The following EXOSC7 variants were observed in gnomAD, a reference collection of about 807,000 sequenced individuals.
The protein encoded by EXOSC7 is exosome component 7, also known as exosome complex component RRP42.
Under a neutral mutation model 34.3 loss-of-function variants are expected in EXOSC7, and 25 were observed. That is an observed-to-expected ratio of 0.73 (90% CI 0.53 to 1.02). The LOEUF is 1.02. Ranked by LOEUF, EXOSC7 falls within the 50% of genes least tolerant of loss-of-function variation. EXOSC7 has a pLI of 0.00. For synonymous variants in EXOSC7, 130 were observed against 143.0 expected (o/e 0.91, Z 0.65); for missense variants, 370 against 368.5 (o/e 1.00, Z -0.03).
intron 1 of EXOSC7, among the ~76,000 whole-genome samples, chr3:44,982,811 G>C (rs912147524): frequency 1.3e-5 from 2 of 152,224 alleles, no homozygotes; most frequent in Admixed American, 1.3e-4. Context: ...GCAGGATGCA[G>C]AGTTATGGAG....
At position 45,005,317 on chromosome 3, in the gene EXOSC7, A is replaced by T. The variant is rs780221494; in HGVS notation, c.518A>T (p.Asp173Val). 2 of 1,614,120 alleles carry T rather than the reference A, an allele frequency of 1.2e-6. No individual in the cohort carries two copies. The highest frequency in any genetic ancestry group is 3.3e-5 in the Admixed American group (2 of 60,020). ...TRIPRVRVLE[D>V]EEGSKDIELS... ...ATACCAAGGGTTCGAGTTTTGGAGGATGAAGAGGGGTCGAAGGACATTGAA... is the reference window on the plus strand; with the variant it reads ...ATACCAAGGGTTCGAGTTTTGGAGGTTGAAGAGGGGTCGAAGGACATTGAA... The change falls in exon 6 of 8, where the codon GAT (aspartate) becomes GTT (valine). Residue 173 changes from aspartate to valine, a missense_variant. Coordinates refer to ENST00000265564, the MANE Select transcript of EXOSC7 (RefSeq NM_015004.4).
intron 4 of EXOSC7, among the ~76,000 whole-genome samples, chr3:44,998,712 C>G (rs1706794957): frequency 6.6e-6 from 1 of 152,188 alleles, no homozygotes; most frequent in Admixed American, 6.5e-5. Context: ...GTTACTGTTG[C>G]AATGCTACCA....
At chr3:44,981,359 A>C (rs992785704) in intron 1 of EXOSC7, among the ~76,000 whole-genome samples, 5 of 152,224 alleles carry the variant, frequency 3.3e-5, no homozygotes, top group African/African-American at 1.2e-4. Context: ...TCCCTTGTGT[A>C]AAATGGGGAC....
downstream of EXOSC7, chr3:45,011,594 C>T (rs1046756702): frequency 6.8e-5 from 21 of 306,946 alleles, no homozygotes; most frequent in Non-Finnish European, 1.2e-4. Context: ...GGGAGACCCC[C>T]ACAAGCTGGA....
At chr3:44,977,525 G>C (rs970912594) in intron 1 of EXOSC7, 1 of 152,214 alleles carries the variant, frequency 6.6e-6, no homozygotes, top group African/African-American at 2.4e-5. Context: ...GGATAATAAA[G>C]TCAGAACTCA....
In EXOSC7 at chr3:44,989,233, G is replaced by T; in HGVS notation, c.151G>T (p.Val51Phe). ...VVSNTSGSAR[V>F]KLGHTDILVG... ...GTCCAACACTAGTGGGTCCGCCAGG[G>T]TCAAGCTGGTGAGTACTGTGACCAT... Residue 51 changes from valine to phenylalanine, a missense_variant, in exon 2 of 8, where the codon GTC becomes TTC. Coordinates refer to ENST00000265564, the MANE Select transcript of EXOSC7 (RefSeq NM_015004.4). 1 of 1,612,766 alleles carries T rather than the reference G, an allele frequency of 6.2e-7. No homozygotes were observed. The highest frequency in any genetic ancestry group is 8.5e-7 in the Non-Finnish European group (1 of 1,178,748).
intron 1 of EXOSC7, among the ~76,000 whole-genome samples, chr3:44,981,574 G>A (rs542750552): frequency 1.1e-4 from 17 of 152,196 alleles, no homozygotes; most frequent in Admixed American, 7.9e-4. Flanking sequence ...TGGCTCCTGA[G>A]AATTAAACCT....
intron 5 of EXOSC7, chr3:45,005,085 C>T: frequency 5.5e-6 from 3 of 546,996 alleles, no homozygotes; most frequent in Non-Finnish European, 9.8e-6. Context: ...GACCCAGCAT[C>T]ATTTTCTAAA....
At chr3:44,989,119 A>G in intron 1 of EXOSC7, 21 bp from the exon 2 acceptor site, 1 of 1,559,298 alleles carries the variant, frequency 6.4e-7, no homozygotes, top group Non-Finnish European at 8.8e-7. Flanking sequence ...TGACTATAGG[A>G]CTGTGGTTGT....
At chr3:44,995,423 C>T (rs911879515) in intron 3 of EXOSC7, among the ~76,000 whole-genome samples, 1 of 152,238 alleles carries the variant, frequency 6.6e-6, no homozygotes, top group Non-Finnish European at 1.5e-5. Context: ...GTGCCCACTA[C>T]ATTCAGGGAA....
Position 44,976,250 on chromosome 3 carries a change from C to T in EXOSC7, c.-28C>T, listed in dbSNP as rs1004786756. 4.6e-6 allele frequency: 7 copies of T among 1,531,844 alleles called. No homozygotes were observed. In the Admixed American group the frequency reaches 1.1e-4, roughly 24 times the overall value. The allele number at this position is 1,531,844 out of a possible 1,614,324, so 94.9% of individuals were successfully genotyped here. ...CAGAGGAGGGGACGCGCGCAGATGACGTGCGGCTCGTGGGGCAGCTCGGCA... is the reference window on the plus strand; with the variant it reads ...CAGAGGAGGGGACGCGCGCAGATGATGTGCGGCTCGTGGGGCAGCTCGGCA... On this transcript the variant is annotated 5_prime_UTR_variant, in exon 1 of 8. It adds an upstream start codon to the 5' untranslated region. Coordinates refer to ENST00000265564, the MANE Select transcript of EXOSC7 (RefSeq NM_015004.4).
chr3:44,999,397 G>T (rs72864819), intron 4 of EXOSC7, among the ~76,000 whole-genome samples: 9,742 of 152,156 alleles, frequency 0.064, 529 homozygotes, highest in African/African-American at 0.15. Context: ...TTAAAATGTT[G>T]TCATTTTCTG....
chr3:45,006,738 T>C (rs1707057472), intron 6 of EXOSC7, among the ~76,000 whole-genome samples: 1 of 152,006 alleles, frequency 6.6e-6, no homozygotes. Context: ...AGTGTTGCTC[T>C]GTTGCCCAGG....
intron 5 of EXOSC7, chr3:45,005,039 A>G (rs1005195279): frequency 7.1e-5 from 32 of 450,572 alleles, no homozygotes; most frequent in African/African-American, 1.2e-4. Context: ...TGAGGTAGGG[A>G]TTGAGATTCT....
At chr3:45,007,598 G>A in intron 7 of EXOSC7, 23 bp downstream of exon 7, 2 of 1,582,182 alleles carry the variant, frequency 1.3e-6, no homozygotes, top group Non-Finnish European at 8.6e-7. Flanking sequence ...TTCTGAGGAA[G>A]GTGCAGGGAC....
chr3:45,011,396 T>G lies in EXOSC7; in HGVS notation c.*57T>G. ...TTTTTACTTTTCCTTTTAAACCGGTTCGTATATATTTTTCTTCGCTGTTAC... is the reference window on the plus strand; with the variant it reads ...TTTTTACTTTTCCTTTTAAACCGGTGCGTATATATTTTTCTTCGCTGTTAC... On this transcript the variant is annotated 3_prime_UTR_variant, in exon 8 of 8. Coordinates refer to ENST00000265564, the MANE Select transcript of EXOSC7 (RefSeq NM_015004.4). The G allele has an allele frequency of 2.7e-6, 3 of 1,101,680 alleles. No individual in the cohort carries two copies. The highest frequency in any genetic ancestry group is 4.0e-6 in the Non-Finnish European group (3 of 747,174). The allele number at this position is 1,101,680 out of a possible 1,614,324, so 68.2% of individuals were successfully genotyped here.
intron 1 of EXOSC7, among the ~76,000 whole-genome samples, chr3:44,981,171 G>T (rs1338266306): frequency 2.0e-5 from 3 of 152,150 alleles, no homozygotes; most frequent in African/African-American, 7.2e-5. Context: ...AAATTTGGGG[G>T]CAGCCACCAG....
chr3:44,997,689 G>A (rs1394815355), intron 4 of EXOSC7, among the ~76,000 whole-genome samples: 1 of 152,242 alleles, frequency 6.6e-6, no homozygotes, highest in Non-Finnish European at 1.5e-5. Context: ...CCATTTATAA[G>A]TGAGGAAACT....
chr3:45,010,392 C>T (rs113839938), intron 7 of EXOSC7, among the ~76,000 whole-genome samples: 99 of 152,020 alleles, frequency 6.5e-4, no homozygotes, highest in African/African-American at 2.3e-3. Flanking sequence ...GGTCTACAGG[C>T]GCATACCACC....
Sources: gnomAD v4.1 joint callset for allele counts (sites outside exome capture counted in the v4.1 genomes callset) on GRCh38, gnomAD v4.1.1 for gene constraint, MANE v1.5 for transcripts, NCBI Gene and HGNC (gene_info 2026-07-23, HGNC 2026-07-21) for gene names.